The following CYP2J2 variants were observed in gnomAD, a reference collection of about 807,000 sequenced individuals.
The protein encoded by CYP2J2 is cytochrome P450 2J2.
A neutral mutation model predicts 48.8 loss-of-function variants in CYP2J2; 41 were observed. That is an observed-to-expected ratio of 0.84 (90% CI 0.66 to 1.09). The LOEUF is 1.09. Among genes scored for constraint, CYP2J2 ranks in the 50% least tolerant of loss-of-function variants. CYP2J2 has a pLI of 0.00. For missense variants in CYP2J2, 644 were observed against 617.3 expected, an observed-to-expected ratio of 1.04 and a Z score of -0.46; for synonymous variants, 221 against 227.1, an observed-to-expected ratio of 0.97 and a Z score of 0.24.
At position 59,900,912 on chromosome 1, in the gene CYP2J2, G is replaced by A. The variant is rs1644313484; in HGVS notation, c.1330+53C>T. ...CAAGGGAAAACAGGAGAGAGCAGGGGAGGGCTGGGAGAGGGGCCCTGGACT... is the reference window on the plus strand; with the variant it reads ...CAAGGGAAAACAGGAGAGAGCAGGGAAGGGCTGGGAGAGGGGCCCTGGACT... On this transcript the variant is annotated intron_variant, in intron 8 of 8. Transcript: ENST00000371204. The A allele has an allele frequency of 1.9e-6, 3 of 1,585,802 alleles. No individual in the cohort carries two copies. The South Asian group carries it at 3.4e-5, about 18-fold the overall frequency.
chr1:59,938,368 TGTG>T, the CYP2J2 span, among the ~76,000 whole-genome samples: 1 of 152,182 alleles, frequency 6.6e-6, no homozygotes, highest in Non-Finnish European at 1.5e-5. Flanking sequence ...GCAAGAGAAA[TGTG>T]GTAGGAGAGC....
chr1:59,904,581 CCA>C, intron 7 of CYP2J2: 1 of 293,372 alleles, frequency 3.4e-6, no homozygotes, highest in Middle Eastern at 9.6e-4. Context: ...TGCCACGTGC[CCA>C]CAGACTCACA....
the CYP2J2 span, among the ~76,000 whole-genome samples, chr1:59,932,401 T>A: frequency 6.6e-6 from 1 of 152,082 alleles, no homozygotes; most frequent in African/African-American, 2.4e-5. Flanking sequence ...CAATTTAGAG[T>A]GTTTTGTGTT....
the CYP2J2 span, among the ~76,000 whole-genome samples, chr1:59,931,864 A>T: frequency 9.9e-5 from 15 of 152,146 alleles, no homozygotes; most frequent in Admixed American, 9.8e-4. Flanking sequence ...TTATTTTGCA[A>T]ATTTCTTATT....
the CYP2J2 span, among the ~76,000 whole-genome samples, chr1:59,965,184 C>T: frequency 6.6e-6 from 1 of 152,176 alleles, no homozygotes; most frequent in Non-Finnish European, 1.5e-5. Context: ...ATTAGGAGTT[C>T]ACTTTTGGTA....
the CYP2J2 span, among the ~76,000 whole-genome samples, chr1:59,968,802 TG>T: frequency 6.6e-6 from 1 of 152,214 alleles, no homozygotes; most frequent in South Asian, 2.1e-4. Flanking sequence ...AGGTTCATGA[TG>T]TGTCTCGAAT....
At chr1:59,899,070 A>G (rs1644293750) in intron 8 of CYP2J2, among the ~76,000 whole-genome samples, 1 of 152,202 alleles carries the variant, frequency 6.6e-6, no homozygotes, top group Non-Finnish European at 1.5e-5. Flanking sequence ...AAAACCACGG[A>G]CTTCTAATAA....
intron 7 of CYP2J2, among the ~76,000 whole-genome samples, chr1:59,902,410 T>C (rs1479672771): frequency 4.0e-5 from 6 of 151,396 alleles, no homozygotes; most frequent in Non-Finnish European, 7.4e-5. Context: ...ATATCAATGA[T>C]TGCCAATATT....
chr1:59,909,223 T>C (rs892961553), intron 5 of CYP2J2, among the ~76,000 whole-genome samples: 1 of 152,204 alleles, frequency 6.6e-6, no homozygotes, highest in Admixed American at 6.5e-5. Flanking sequence ...TTTTTACTCC[T>C]GTAGCAGGCT....
upstream of CYP2J2, among the ~76,000 whole-genome samples, chr1:59,931,762 A>C (rs1339212760): frequency 2.6e-5 from 4 of 152,172 alleles, no homozygotes; most frequent in African/African-American, 4.8e-5. Context: ...TCTAGCTAGA[A>C]TACTTCTAGG....
At chr1:59,897,400 C>G (rs909305284) in intron 8 of CYP2J2, among the ~76,000 whole-genome samples, 1 of 152,194 alleles carries the variant, frequency 6.6e-6, no homozygotes, top group African/African-American at 2.4e-5. Context: ...GAAATAACTT[C>G]TCTCCTAACC....
At chr1:59,928,073 T>C (rs1363530122), upstream of CYP2J2, among the ~76,000 whole-genome samples, 1 of 152,242 alleles carries the variant, frequency 6.6e-6, no homozygotes, top group Non-Finnish European at 1.5e-5. Flanking sequence ...TCCTGACTGA[T>C]ATATGTGGCT....
chr1:59,897,106 T>G (rs1453290711), intron 8 of CYP2J2, among the ~76,000 whole-genome samples: 1 of 152,236 alleles, frequency 6.6e-6, no homozygotes, highest in Non-Finnish European at 1.5e-5. Flanking sequence ...ATATTATTTG[T>G]GCCTGTTTTC....
At chr1:59,961,072 T>G in the CYP2J2 span, among the ~76,000 whole-genome samples, 1 of 152,208 alleles carries the variant, frequency 6.6e-6, no homozygotes, top group Non-Finnish European at 1.5e-5. Flanking sequence ...TGCATAATTT[T>G]GGGTTAGGCA....
chr1:59,937,502 GAACT>G, the CYP2J2 span, among the ~76,000 whole-genome samples: 1 of 152,062 alleles, frequency 6.6e-6, no homozygotes, highest in Non-Finnish European at 1.5e-5. Context: ...AGCTCATTGG[GAACT>G]AACTTAAACA....
At chr1:59,928,066 T>C (rs1360681273), upstream of CYP2J2, among the ~76,000 whole-genome samples, 1 of 152,250 alleles carries the variant, frequency 6.6e-6, no homozygotes, top group Non-Finnish European at 1.5e-5. Flanking sequence ...AGATTTATCC[T>C]GACTGATATA....
chr1:59,918,510 G>A (rs2102133824), intron 1 of CYP2J2, among the ~76,000 whole-genome samples: 1 of 152,248 alleles, frequency 6.6e-6, no homozygotes, highest in Middle Eastern at 3.4e-3. Flanking sequence ...ACACGGGGTA[G>A]GAGCCCTGGG....
chr1:59,907,439 G>A (rs1462430418), intron 6 of CYP2J2, among the ~76,000 whole-genome samples: 3 of 152,180 alleles, frequency 2.0e-5, no homozygotes, highest in African/African-American at 4.8e-5. Context: ...TTATTCTGGA[G>A]GAAATTGGAA....
the CYP2J2 span, among the ~76,000 whole-genome samples, chr1:59,948,556 T>C: frequency 7.9e-5 from 12 of 152,236 alleles, no homozygotes; most frequent in Non-Finnish European, 1.6e-4. Context: ...TGTTATTAGA[T>C]TGGTGCAAAA....
Sources: allele counts gnomAD v4.1 joint callset (sites outside exome capture counted in the v4.1 genomes callset), GRCh38; gene constraint gnomAD v4.1.1; transcripts MANE v1.5; gene names NCBI Gene and HGNC (gene_info 2026-07-23, HGNC 2026-07-21).